TMEM74B: variants seen among roughly 807,000 people sequenced by gnomAD.
TMEM74B encodes the protein transmembrane protein C20orf46.
A neutral mutation model predicts 6.5 loss-of-function variants in TMEM74B; 7 were observed. That is an observed-to-expected ratio of 1.07 (90% confidence interval 0.61 to 2.01). The LOEUF (loss-of-function observed/expected upper bound fraction) is 2.01. Ranked by LOEUF, TMEM74B falls within the 30% of genes most tolerant of loss-of-function variation. TMEM74B has a pLI of 0.00. For synonymous variants in TMEM74B, 151 were observed against 151.6 expected, an observed-to-expected ratio of 1.00 and a Z score of 0.03; for missense variants, 342 against 337.0, an observed-to-expected ratio of 1.01 and a Z score of -0.12.
In TMEM74B at chr20:1,183,820, T is replaced by G. The variant is rs1168303056; in HGVS notation, c.-19A>C. ...GTGGCATCACTCCACCAGCCTTCCCTGGCTCTGCATCCCTCACTCATAGAC... is the reference window on the plus strand; with the variant it reads ...GTGGCATCACTCCACCAGCCTTCCCGGGCTCTGCATCCCTCACTCATAGAC... On this transcript the variant is annotated 5_prime_UTR_variant, in exon 2 of 3. Transcript: ENST00000429036. 6 of 1,613,784 alleles carry G rather than the reference T, an allele frequency of 3.7e-6. No homozygotes were observed. The East Asian group carries it at 1.3e-4, about 36-fold the overall frequency.
chr20:1,180,619 C>A lies in TMEM74B; in HGVS notation c.*229G>T. 1 of 460,076 alleles carries A rather than the reference C, an allele frequency of 2.2e-6. No individual in the cohort carries two copies. Among genetic ancestry groups the A allele is most frequent in the Non-Finnish European group, 3.6e-6 (1 of 280,324 alleles). The allele number at this position is 460,076 out of a possible 1,614,324, so 28.5% of individuals were successfully genotyped here. A position where few individuals can be genotyped will look rare whatever the true frequency, so the allele number is the denominator to read the frequency against. On this transcript the variant is annotated 3_prime_UTR_variant, in exon 3 of 3. Coordinates refer to ENST00000429036, the MANE Select transcript of TMEM74B (RefSeq NM_001304748.2). The surrounding 1 kb of genome is among the most constrained non-coding windows in gnomAD (Gnocchi z 6.1). The stretch of plus-strand genomic sequence containing the variant: ...TTAGCAGCAGAAGCCATCCTCCAAA[C>A]AAAACCGTATGCAAAACCTCAGCTA...
chr20:1,188,562 CCA>C (rs1600196867), upstream of TMEM74B, among the ~76,000 whole-genome samples: 1 of 147,780 alleles, frequency 6.8e-6, no homozygotes, highest in African/African-American at 2.5e-5. Flanking sequence ...ACCACATGCA[CCA>C]CACACACCAC....
At position 1,183,026 on chromosome 20, in the gene TMEM74B, G is replaced by A. The variant is rs549815577; in HGVS notation, c.31+745C>T. Reference sequence around the variant, plus strand: ...TCTTAGGCAGATCTAGCCTCTCCCCGACAGGTCCCACCTCAGCCCCCTTCC... The same window carrying A: ...TCTTAGGCAGATCTAGCCTCTCCCCAACAGGTCCCACCTCAGCCCCCTTCC... On this transcript the variant is annotated intron_variant, in intron 2 of 2. Transcript: ENST00000429036. Among the ~76,000 whole-genome samples the A allele has an allele frequency of 2.5e-4, 38 of 152,216 alleles. No individual in the cohort carries two copies. The East Asian group carries it at 3.3e-3, about 13-fold the overall frequency.
At position 1,181,355 on chromosome 20, in the gene TMEM74B, A is replaced by AG; in HGVS notation, c.263dup (p.Gly89TrpfsTer13). 6.4e-7 allele frequency: 1 copy of AG among 1,565,664 alleles called. No individual in the cohort carries two copies. The highest frequency in any genetic ancestry group is 8.7e-7 in the Non-Finnish European group (1 of 1,153,372). ...ATCGGGGCAGTGAGGAGACACCCCCAGGGGGACTGGGTGAGCTGCCCAGTC... is the reference window on the plus strand; with the variant it reads ...ATCGGGGCAGTGAGGAGACACCCCCAGGGGGGACTGGGTGAGCTGCCCAGTC... On this transcript the variant is annotated frameshift_variant, in exon 3 of 3. Coordinates refer to ENST00000429036, the MANE Select transcript of TMEM74B (RefSeq NM_001304748.2). LOFTEE classifies it high-confidence loss of function. The surrounding 1 kb of genome is among the most constrained non-coding windows in gnomAD (Gnocchi z 4.9).
upstream of TMEM74B, among the ~76,000 whole-genome samples, chr20:1,186,790 G>A (rs6108844): frequency 6.6e-6 from 1 of 152,158 alleles, no homozygotes; most frequent in Non-Finnish European, 1.5e-5. Context: ...GGGCTGGGAA[G>A]GCCTCCATTT....
Position 1,181,718 on chromosome 20 carries a change from G to A in TMEM74B, c.32-131C>T, listed in dbSNP as rs2086875287. On this transcript the variant is annotated intron_variant, in intron 2 of 2. Coordinates refer to ENST00000429036, the MANE Select transcript of TMEM74B (RefSeq NM_001304748.2). This position sits in a 1 kb window ranked among gnomAD's most constrained non-coding sequence, Gnocchi z 4.9. ...ACTTGGGGGTGTCTGCCAGACAGAG[G>A]GGAAGACAGGGAATAAGACGATGAC... The A allele has an allele frequency of 1.0e-6, 1 of 987,664 alleles. No individual in the cohort carries two copies. The highest frequency in any genetic ancestry group is 1.4e-6 in the Non-Finnish European group (1 of 737,592). The allele number at this position is 987,664 out of a possible 1,614,324, so 61.2% of individuals were successfully genotyped here.
At chr20:1,185,970 C>A (rs1287032890), upstream of TMEM74B, 1 of 152,396 alleles carries the variant, frequency 6.6e-6, no homozygotes, top group Admixed American at 6.5e-5. Context: ...TCCCCCTCCC[C>A]CTTTTCTCTG....
intron 2 of TMEM74B, among the ~76,000 whole-genome samples, chr20:1,182,519 G>A (rs1568495331): frequency 6.8e-6 from 1 of 147,550 alleles, no homozygotes; most frequent in African/African-American, 2.4e-5. Flanking sequence ...AAGGAAGCCA[G>A]CAGGTTGGGG....
At chr20:1,188,155 TACACACACAC>T (rs138460101), upstream of TMEM74B, among the ~76,000 whole-genome samples, 1 of 141,154 alleles carries the variant, frequency 7.1e-6, no homozygotes, top group Non-Finnish European at 1.5e-5. Flanking sequence ...ATATATATAA[TACACACACAC>T]ACACACACAC....
At chr20:1,188,282 G>A (rs1600196698), upstream of TMEM74B, among the ~76,000 whole-genome samples, 1 of 151,440 alleles carries the variant, frequency 6.6e-6, no homozygotes, top group East Asian at 2.0e-4. Flanking sequence ...TGAAATCTTG[G>A]TTTCTAATAC....
At position 1,181,556 on chromosome 20, in the gene TMEM74B, G is replaced by A. The variant is rs193288888; in HGVS notation, c.63C>T (p.Pro21=). 1.2e-4 allele frequency: 181 copies of A among 1,475,676 alleles called. 2 individuals are homozygous for A. Among genetic ancestry groups the A allele is most frequent in the Admixed American group, 5.1e-5 (2 of 38,964 alleles). 91.4% of individuals were successfully genotyped at this position (1,475,676 alleles called of 1,614,324 possible). A position where few individuals can be genotyped will look rare whatever the true frequency, so the allele number is the denominator to read the frequency against. The part of the protein sequence containing the change: ...AAKGPRDELG[P]SFPMASPPGL... ...CAGGGGGAGATGCCATTGGGAAGGA[G>A]GGCCCCAGCTCATCCCTTGGCCCCT... Residue 21 remains proline (P), a synonymous_variant, in exon 3 of 3, where the codon CCC becomes CCT. Transcript: ENST00000429036. The surrounding 1 kb of genome is among the most constrained non-coding windows in gnomAD (Gnocchi z 4.9).
chr20:1,184,602 C>T lies in TMEM74B; in HGVS notation c.-448G>A, dbSNP rs1449001882. Reference sequence around the variant, plus strand: ...GGATCTTCGGGCCACGCGAGTACCCCGTCACACGCACACGCGCGTACACAC... The same window carrying T: ...GGATCTTCGGGCCACGCGAGTACCCTGTCACACGCACACGCGCGTACACAC... On this transcript the variant is annotated 5_prime_UTR_variant, in exon 1 of 3. Coordinates refer to ENST00000429036, the MANE Select transcript of TMEM74B (RefSeq NM_001304748.2). This position sits in a 1 kb window ranked among gnomAD's most constrained non-coding sequence, Gnocchi z 6.0. 3.3e-5 allele frequency: 5 copies of T among 149,508 alleles called. No individual in the cohort carries two copies. Among genetic ancestry groups the T allele is most frequent in the Admixed American group, 2.7e-4 (4 of 14,880 alleles). The allele number at this position is 149,508 out of a possible 1,614,324, so 9.3% of individuals were successfully genotyped here. A position where few individuals can be genotyped will look rare whatever the true frequency, so the allele number is the denominator to read the frequency against.
Position 1,183,961 on chromosome 20 carries a change from T to C in TMEM74B, c.-147-13A>G, listed in dbSNP as rs1251700274. 1.1e-4 allele frequency: 75 copies of C among 711,804 alleles called. No individual in the cohort carries two copies. Among genetic ancestry groups the C allele is most frequent in the Non-Finnish European group, 9.2e-6 (4 of 435,700 alleles). The allele number at this position is 711,804 out of a possible 1,614,324, so 44.1% of individuals were successfully genotyped here. On this transcript the variant is annotated splice_polypyrimidine_tract_variant and intron_variant, in intron 1 of 2. Transcript: ENST00000429036. ...CAGACTGCTTTTACTTTCCAGTGAA[T>C]AGACAGAAAAAAGAGATGTGTTTGT...
rs2086852095 is a variant in TMEM74B at position 1,181,133 on chromosome 20, C to T, written c.486G>A (p.Leu162=). 2 of 1,614,006 alleles carry T rather than the reference C, an allele frequency of 1.2e-6. No homozygotes were observed. The highest frequency in any genetic ancestry group is 2.7e-5 in the African/African-American group (2 of 74,910). The stretch of plus-strand genomic sequence containing the variant: ...AGCCTAGGCGGGCGTAGTACATCTC[C>T]AGTCGTTCCATCTCCCGCGCTGTCA... ...DTVTAREMER[L]EMYYARLGSH... is the part of the protein sequence containing the mutation. The change falls in exon 3 of 3, where the codon CTG becomes CTA. Residue 162 remains leucine, a synonymous_variant. Transcript: ENST00000429036. This position sits in a 1 kb window ranked among gnomAD's most constrained non-coding sequence, Gnocchi z 4.9.
chr20:1,181,371 C>G lies in TMEM74B; in HGVS notation c.248G>C (p.Ser83Thr). The G allele has an allele frequency of 6.5e-7, 1 of 1,546,018 alleles. No individual in the cohort carries two copies. The highest frequency in any genetic ancestry group is 1.9e-5 in the Admixed American group (1 of 51,470). ...FQNPGNTRLGSSPSPPGGVSS... is the reference protein window; with the variant it reads ...FQNPGNTRLGTSPSPPGGVSS... Reference sequence around the variant, plus strand: ...GACACCCCCAGGGGGACTGGGTGAGCTGCCCAGTCTCGTGTTCCCAGGGTT... The same window carrying G: ...GACACCCCCAGGGGGACTGGGTGAGGTGCCCAGTCTCGTGTTCCCAGGGTT... The change falls in exon 3 of 3, where the codon AGC becomes ACC. Residue 83 changes from serine to threonine, a missense_variant. Transcript: ENST00000429036. This position sits in a 1 kb window ranked among gnomAD's most constrained non-coding sequence, Gnocchi z 4.9.
chr20:1,185,474 G>A (rs1600194793), upstream of TMEM74B: 1 of 151,380 alleles, frequency 6.6e-6, no homozygotes, highest in East Asian at 2.0e-4. Context: ...AGGGACGGGA[G>A]AAGGGGCGGG....
At chr20:1,182,019 G>A (rs1481893474) in intron 2 of TMEM74B, among the ~76,000 whole-genome samples, 1 of 152,178 alleles carries the variant, frequency 6.6e-6, no homozygotes, top group Admixed American at 6.5e-5. Context: ...TTGGGCTTGG[G>A]CAAGTGATGT....
At position 1,183,888 on chromosome 20, in the gene TMEM74B, T is replaced by C; in HGVS notation, c.-87A>G. 1.3e-6 allele frequency: 2 copies of C among 1,523,344 alleles called. No individual in the cohort carries two copies. The highest frequency in any genetic ancestry group is 2.3e-5 in the East Asian group (1 of 43,794). The allele number at this position is 1,523,344 out of a possible 1,614,324, so 94.4% of individuals were successfully genotyped here. On this transcript the variant is annotated 5_prime_UTR_variant, in exon 2 of 3. Transcript: ENST00000429036. ...TGTTTATCAGCAACCGTGAGCACCT[T>C]GAGAGCAGGCATAAGTTTGAATTCC...
chr20:1,187,488 G>A (rs1568500039), upstream of TMEM74B, among the ~76,000 whole-genome samples: 1 of 152,136 alleles, frequency 6.6e-6, no homozygotes, highest in African/African-American at 2.4e-5. Flanking sequence ...TATTCTAGTG[G>A]GAGAAAAGGA....
Sources: allele counts gnomAD v4.1 joint callset (sites outside exome capture counted in the v4.1 genomes callset), GRCh38; gene constraint gnomAD v4.1.1; non-coding constraint Gnocchi (gnomAD v3.1); transcripts MANE v1.5; gene names NCBI Gene and HGNC (gene_info 2026-07-23, HGNC 2026-07-21).